Variants in IRAK2 observed in about 807,000 individuals in gnomAD.
The protein encoded by IRAK2 is interleukin 1 receptor associated kinase 2.
IRAK2 carries 57 observed loss-of-function variants against 72.0 expected under a neutral mutation model. That is an observed-to-expected ratio of 0.79 (90% CI 0.64 to 0.99). IRAK2 has a LOEUF of 0.99. Ranked by LOEUF, IRAK2 falls within the 50% of genes least tolerant of loss-of-function variation. The pLI, the probability that IRAK2 is intolerant of heterozygous loss-of-function variation, is 0.00. For synonymous variants in IRAK2, 293 were observed against 312.7 expected (o/e 0.94, Z 0.67); for missense variants, 790 against 794.4 (o/e 0.99, Z 0.07).
chr3:10,193,656 A>G (rs1697211937), intron 2 of IRAK2, among the ~76,000 whole-genome samples: 1 of 152,194 alleles, frequency 6.6e-6, no homozygotes, highest in South Asian at 2.1e-4. Context: ...ACTCTGTCTG[A>G]GAACTGCCGT....
At chr3:10,180,179 G>T (rs1300225817) in intron 2 of IRAK2, among the ~76,000 whole-genome samples, 1 of 152,044 alleles carries the variant, frequency 6.6e-6, no homozygotes, top group Non-Finnish European at 1.5e-5. Flanking sequence ...GGGATGGGGG[G>T]TCTGGTTACC....
In IRAK2 at chr3:10,210,940, C is replaced by T. The variant is rs369799592; in HGVS notation, c.528+1248C>T. On this transcript the variant is annotated intron_variant, in intron 4 of 12. Coordinates refer to ENST00000256458, the MANE Select transcript of IRAK2 (RefSeq NM_001570.4). Reference sequence around the variant, plus strand: ...AGTGGCACGATCTTGGTCACTGTAACCTCTGCCTCCCAGGTTCAAGCTATT... The same window carrying T: ...AGTGGCACGATCTTGGTCACTGTAATCTCTGCCTCCCAGGTTCAAGCTATT... Among the ~76,000 whole-genome samples the T allele has an allele frequency of 2.4e-4, 37 of 152,136 alleles. No individual in the cohort carries two copies. The East Asian group carries it at 3.1e-3, about 13-fold the overall frequency.
chr3:10,172,518 CA>C (rs1470007561), intron 1 of IRAK2, among the ~76,000 whole-genome samples: 21 of 73,214 alleles, frequency 2.9e-4, no homozygotes, highest in South Asian at 1.4e-3. Context: ...GCCTGGGCAA[CA>C]AGAGTAAAAC....
chr3:10,201,681 A>G (rs1339629084), intron 3 of IRAK2, among the ~76,000 whole-genome samples: 1 of 152,180 alleles, frequency 6.6e-6, no homozygotes, highest in Non-Finnish European at 1.5e-5. Flanking sequence ...CAGCCAGCAG[A>G]TGACCTCCCT....
At position 10,238,901 on chromosome 3, in the gene IRAK2, A is replaced by G. The variant is rs746645430; in HGVS notation, c.1627A>G (p.Met543Val). 3.1e-6 allele frequency: 5 copies of G among 1,614,062 alleles called. No individual in the cohort carries two copies. The highest frequency in any genetic ancestry group is 4.2e-6 in the Non-Finnish European group (5 of 1,179,994). ...DNSSLDASSS[M>V]SVAPWAGAAT... ...TTCCAGCCTTGATGCCTCCTCCTCC[A>G]TGAGTGTGGCACCCTGGGCAGGGGC... The change falls in exon 12 of 13, where the codon ATG (methionine) becomes GTG (valine). Residue 543 changes from methionine to valine, a missense_variant. Met to Val is a conservative substitution (Grantham distance 21). Transcript: ENST00000256458.
At chr3:10,184,096 C>T (rs988937391) in intron 2 of IRAK2, among the ~76,000 whole-genome samples, 2 of 152,160 alleles carry the variant, frequency 1.3e-5, no homozygotes, top group South Asian at 2.1e-4. Context: ...ACATGCACAT[C>T]GCAGACAGCA....
At position 10,165,585 on chromosome 3, in the gene IRAK2, T is replaced by C. The variant is rs368529849; in HGVS notation, c.94+537T>C. Among the ~76,000 whole-genome samples, 109 of 152,190 alleles carry C rather than the reference T, an allele frequency of 7.2e-4. 1 individual carries two copies. In the South Asian group the frequency reaches 0.011, roughly 15 times the overall value. On this transcript the variant is annotated intron_variant, in intron 1 of 12. Coordinates refer to ENST00000256458, the MANE Select transcript of IRAK2 (RefSeq NM_001570.4). ...GTCTCGGCTCACTGCAACCTCCACC[T>C]CTGGGATTCAAGCGATTTTCCTGCC...
At chr3:10,188,751 C>T (rs1697125187) in intron 2 of IRAK2, among the ~76,000 whole-genome samples, 2 of 152,230 alleles carry the variant, frequency 1.3e-5, no homozygotes, top group Admixed American at 1.3e-4. Flanking sequence ...GTCTCAAACT[C>T]CCGACCTCAG....
chr3:10,223,295 T>C (rs1176080030), intron 9 of IRAK2, among the ~76,000 whole-genome samples: 2 of 152,174 alleles, frequency 1.3e-5, no homozygotes, highest in African/African-American at 4.8e-5. Flanking sequence ...ATCTACCCTT[T>C]AGCTGCCCAT....
At chr3:10,166,891 G>A (rs1273115021) in intron 1 of IRAK2, among the ~76,000 whole-genome samples, 7 of 152,228 alleles carry the variant, frequency 4.6e-5, no homozygotes, top group Middle Eastern at 3.4e-3. Context: ...TGATTTGGCC[G>A]CTTTGGCCTC....
chr3:10,165,801 G>A (rs966266074), intron 1 of IRAK2, among the ~76,000 whole-genome samples: 1 of 146,044 alleles, frequency 6.8e-6, no homozygotes, highest in African/African-American at 2.6e-5. Context: ...CGCGATCTAG[G>A]CTCGTTGCAA....
rs11465863 is a variant in IRAK2 at position 10,177,727 on chromosome 3, C to T, written c.95-111C>T. On this transcript the variant is annotated intron_variant, in intron 1 of 12. Coordinates refer to ENST00000256458, the MANE Select transcript of IRAK2 (RefSeq NM_001570.4). ...AATGGTGGTGTTTCCAGTGTGGAGG[C>T]GGTGGTTGGGGAGGATGTCCTGGAA... 3,555 of 1,013,006 alleles carry T rather than the reference C, an allele frequency of 3.5e-3. 89 individuals carry two copies. In the African/African-American group the frequency reaches 0.047, roughly 13 times the overall value. 62.8% of individuals were successfully genotyped at this position (1,013,006 alleles called of 1,614,324 possible).
At chr3:10,234,136 A>G (rs907502497) in intron 10 of IRAK2, among the ~76,000 whole-genome samples, 1 of 152,138 alleles carries the variant, frequency 6.6e-6, no homozygotes, top group African/African-American at 2.4e-5. Flanking sequence ...TGCTAAGATT[A>G]CAGGCTTGAG....
At chr3:10,241,980 A>G in intron 12 of IRAK2, 136 bp from the exon 13 acceptor site, 1 of 471,340 alleles carries the variant, frequency 2.1e-6, no homozygotes, top group East Asian at 3.8e-5. Context: ...CTCGATAAAA[A>G]AAAAAGAAAA....
rs11711714 is a variant in IRAK2, at chr3:10,184,633, G to T, written c.277+6613G>T. Among the ~76,000 whole-genome samples, 504 of 151,178 alleles carry T rather than the reference G, an allele frequency of 3.3e-3. 2 individuals carry two copies. The highest frequency in any genetic ancestry group is 4.3e-3 in the Non-Finnish European group (291 of 67,998). On this transcript the variant is annotated intron_variant, in intron 2 of 12. Transcript: ENST00000256458. ...AACTCCTACTTGAGATGAGAAACAC[G>T]AGGTAGTTACTTGTCTATAGCAGTC...
intron 8 of IRAK2, among the ~76,000 whole-genome samples, chr3:10,222,062 AT>A (rs981108955): frequency 2.0e-5 from 3 of 151,212 alleles, no homozygotes; most frequent in African/African-American, 7.3e-5. Flanking sequence ...TAATTTTTGT[AT>A]TTTTAGTAGA....
At chr3:10,171,253 C>T (rs1335965380) in intron 1 of IRAK2, among the ~76,000 whole-genome samples, 1 of 152,188 alleles carries the variant, frequency 6.6e-6, no homozygotes, top group East Asian at 1.9e-4. Flanking sequence ...ATGCGTGTGC[C>T]AGCCTTTGTG....
Position 10,222,849 on chromosome 3 carries a change from T to C in IRAK2, c.1209+18T>C. 1 of 1,609,504 alleles carries C rather than the reference T, an allele frequency of 6.2e-7. No homozygotes were observed. Among genetic ancestry groups the C allele is most frequent in the Non-Finnish European group, 8.5e-7 (1 of 1,175,896 alleles). ...GTGGAATAGTAAGAGTGTCCTGCTCTGCGTAGAGTGGGGCCCACCTTGATT... is the reference window on the plus strand; with the variant it reads ...GTGGAATAGTAAGAGTGTCCTGCTCCGCGTAGAGTGGGGCCCACCTTGATT... On this transcript the variant is annotated intron_variant, in intron 9 of 12. Coordinates refer to ENST00000256458, the MANE Select transcript of IRAK2 (RefSeq NM_001570.4).
chr3:10,167,841 CACAT>C (rs1386774800), intron 1 of IRAK2, among the ~76,000 whole-genome samples: 2 of 152,206 alleles, frequency 1.3e-5, no homozygotes, highest in African/African-American at 4.8e-5. Context: ...TGTGAACACT[CACAT>C]ACAAGATTTT....
Sources: allele counts gnomAD v4.1 joint callset (sites outside exome capture counted in the v4.1 genomes callset), GRCh38; gene constraint gnomAD v4.1.1; transcripts MANE v1.5; gene names NCBI Gene and HGNC (gene_info 2026-07-23, HGNC 2026-07-21).